FGF14: variants seen among roughly 807,000 people sequenced by gnomAD.
FGF14 encodes fibroblast growth factor homologous factor 4.
Under a neutral mutation model 25.5 loss-of-function variants are expected in FGF14, and 5 were observed. The observed-to-expected ratio is 0.20, with a 90% CI of 0.10 to 0.41. The LOEUF is 0.41. Among genes scored for constraint, FGF14 ranks in the 10% least tolerant of loss-of-function variants. The pLI is 1.00. For synonymous variants in FGF14, 138 were observed against 118.3 expected, an observed-to-expected ratio of 1.17 and a Z score of -1.08; for missense variants, 222 against 320.1, an observed-to-expected ratio of 0.69 and a Z score of 2.34.
At chr13:102,378,474 T>C (rs930349741) in intron 1 of FGF14, among the ~76,000 whole-genome samples, 12 of 152,242 alleles carry the variant, frequency 7.9e-5, no homozygotes, top group African/African-American at 2.4e-4. Flanking sequence ...AATTTCAGCA[T>C]AGATCATTTA....
intron 1 of FGF14, among the ~76,000 whole-genome samples, chr13:101,961,044 T>C (rs1455905325): frequency 6.6e-6 from 1 of 152,118 alleles, no homozygotes; most frequent in Non-Finnish European, 1.5e-5. Flanking sequence ...GGGATTTTTT[T>C]GTAGTAAATT....
chr13:102,310,255 T>A (rs971897156), intron 1 of FGF14, among the ~76,000 whole-genome samples: 1 of 152,148 alleles, frequency 6.6e-6, no homozygotes. Context: ...TGGTCTTGGT[T>A]AAAATGAAAC....
intron 1 of FGF14, among the ~76,000 whole-genome samples, chr13:101,875,895 AC>A (rs1487299824): frequency 6.6e-6 from 1 of 152,142 alleles, no homozygotes; most frequent in Non-Finnish European, 1.5e-5. Flanking sequence ...AGACATATTC[AC>A]AGGAAAACGG....
At chr13:102,067,718 G>C (rs1484468501) in intron 1 of FGF14, among the ~76,000 whole-genome samples, 1 of 151,014 alleles carries the variant, frequency 6.6e-6, no homozygotes, top group African/African-American at 2.4e-5. Flanking sequence ...CAGAGAGAGA[G>C]AGAGATTAGG....
At chr13:102,142,578 AT>A (rs1199416370) in intron 1 of FGF14, among the ~76,000 whole-genome samples, 1 of 152,158 alleles carries the variant, frequency 6.6e-6, no homozygotes, top group Non-Finnish European at 1.5e-5. Flanking sequence ...CAATGATTGT[AT>A]TGGAAATAAA....
intron 1 of FGF14, among the ~76,000 whole-genome samples, chr13:102,150,813 G>A: frequency 1.3e-5 from 2 of 152,270 alleles, no homozygotes; most frequent in South Asian, 4.1e-4. Context: ...AGGTCTACTG[G>A]TATGTTGTAG....
intron 1 of FGF14, among the ~76,000 whole-genome samples, chr13:101,990,406 A>T (rs2038833270): frequency 6.6e-6 from 1 of 151,180 alleles, no homozygotes; most frequent in Admixed American, 6.6e-5. Context: ...ATTTTTAACA[A>T]TTTTAAATAC....
intron 3 of FGF14, among the ~76,000 whole-genome samples, chr13:101,848,360 T>G (rs538765507): frequency 9.2e-5 from 14 of 152,126 alleles, no homozygotes; most frequent in Admixed American, 7.2e-4. Context: ...CATAACTCTA[T>G]AGACTCCTAC....
At chr13:101,764,950 C>A (rs186403364) in intron 3 of FGF14, among the ~76,000 whole-genome samples, 1 of 152,258 alleles carries the variant, frequency 6.6e-6, no homozygotes, top group Admixed American at 6.5e-5. Context: ...GAAAATCACT[C>A]AAGGACTGTA....
intron 3 of FGF14, among the ~76,000 whole-genome samples, chr13:101,859,565 T>C (rs1044295648): frequency 1.3e-5 from 2 of 152,192 alleles, no homozygotes; most frequent in Admixed American, 6.6e-5. Context: ...AGAGCTCTAC[T>C]CCTCAGCATA....
At chr13:101,924,371 C>A (rs2034218105) in intron 1 of FGF14, among the ~76,000 whole-genome samples, 1 of 151,982 alleles carries the variant, frequency 6.6e-6, no homozygotes, top group Non-Finnish European at 1.5e-5. Flanking sequence ...CATCTGCACA[C>A]ACATGTTGTA....
chr13:102,065,455 T>C (rs1034300126), intron 1 of FGF14, among the ~76,000 whole-genome samples: 10 of 152,100 alleles, frequency 6.6e-5, no homozygotes, highest in African/African-American at 2.4e-4. Flanking sequence ...TTCTGGTACA[T>C]TGGTATCCCT....
intron 1 of FGF14, among the ~76,000 whole-genome samples, chr13:102,393,045 T>C (rs757176445): frequency 9.2e-5 from 14 of 152,220 alleles, no homozygotes; most frequent in Non-Finnish European, 1.9e-4. Context: ...CACCACAATC[T>C]TTGACGCCCC....
At chr13:101,852,048 G>A (rs973619482) in intron 3 of FGF14, among the ~76,000 whole-genome samples, 3 of 152,070 alleles carry the variant, frequency 2.0e-5, no homozygotes, top group Non-Finnish European at 4.4e-5. Context: ...TAATCTGCTA[G>A]CGTAGAAAAG....
At chr13:102,012,518 G>A (rs2040135972) in intron 1 of FGF14, among the ~76,000 whole-genome samples, 1 of 152,084 alleles carries the variant, frequency 6.6e-6, no homozygotes, top group Admixed American at 6.5e-5. Flanking sequence ...TTTAGTCACT[G>A]GCAGGATATA....
intron 1 of FGF14, among the ~76,000 whole-genome samples, chr13:102,250,531 T>C (rs187440209): frequency 2.8e-4 from 42 of 152,300 alleles, no homozygotes; most frequent in Non-Finnish European, 4.7e-4. Flanking sequence ...GTGGAGTTGA[T>C]TTTTAATGAG....
At chr13:102,259,692 G>A (rs756923020) in intron 1 of FGF14, among the ~76,000 whole-genome samples, 4 of 152,122 alleles carry the variant, frequency 2.6e-5, no homozygotes, top group Non-Finnish European at 5.9e-5. Context: ...GAACAGTCTA[G>A]GTTCGCCACA....
chr13:102,328,842 G>T (rs1204716170), intron 1 of FGF14, among the ~76,000 whole-genome samples: 2 of 152,158 alleles, frequency 1.3e-5, no homozygotes. Context: ...GTGTTCCGGT[G>T]AAACTGATGC....
intron 1 of FGF14, among the ~76,000 whole-genome samples, chr13:101,976,994 T>G (rs1338723523): frequency 6.6e-6 from 1 of 152,242 alleles, no homozygotes; most frequent in African/African-American, 2.4e-5. Context: ...TATATATTAT[T>G]GTACACAAAT....
Sources: gnomAD v4.1 joint callset for allele counts (sites outside exome capture counted in the v4.1 genomes callset) on GRCh38, gnomAD v4.1.1 for gene constraint, MANE v1.5 for transcripts, NCBI Gene and HGNC (gene_info 2026-07-23, HGNC 2026-07-21) for gene names.